The following TRPS1 variants were observed in gnomAD, a reference collection of about 807,000 sequenced individuals.
TRPS1 encodes transcriptional repressor GATA binding 1.
In TRPS1, 6 loss-of-function variants were observed where a neutral mutation model predicts 101.2. That is an observed-to-expected ratio of 0.06 (90% CI 0.03 to 0.12). The LOEUF (loss-of-function observed/expected upper bound fraction) is 0.12. Ranked by LOEUF, TRPS1 falls within the 10% of genes least tolerant of loss-of-function variation. The pLI, the probability that TRPS1 is intolerant of heterozygous loss-of-function variation, is 1.00. For synonymous variants in TRPS1, 578 were observed against 589.8 expected (o/e 0.98, Z 0.29); for missense variants, 1,363 against 1,567.0 (o/e 0.87, Z 2.20).
chr8:115,616,555 T>G (rs549481037), intron 3 of TRPS1, among the ~76,000 whole-genome samples: 11 of 151,794 alleles, frequency 7.2e-5, no homozygotes, highest in Admixed American at 1.3e-4. Flanking sequence ...TAAAATGTCA[T>G]AAATCTATCA....
At chr8:115,455,775 C>CTTTCTTTT (rs1554622479) in intron 5 of TRPS1, among the ~76,000 whole-genome samples, 349 of 119,916 alleles carry the variant, frequency 2.9e-3, no homozygotes, top group African/African-American at 9.2e-3. Flanking sequence ...TTCTTTCTTT[C>CTTTCTTTT]TTTTTTTTTT....
At chr8:115,503,020 T>C (rs1265030519) in intron 5 of TRPS1, among the ~76,000 whole-genome samples, 3 of 152,062 alleles carry the variant, frequency 2.0e-5, no homozygotes, top group South Asian at 2.1e-4. Flanking sequence ...TCCCAGCACT[T>C]TGGGAGGCTG....
intron 3 of TRPS1, among the ~76,000 whole-genome samples, chr8:115,610,618 A>G (rs1306904522): frequency 3.9e-5 from 6 of 152,210 alleles, no homozygotes; most frequent in Admixed American, 3.3e-4. Context: ...AGGGGAAACC[A>G]AAACTCAAAC....
chr8:115,515,896 A>C (rs1250399860), intron 5 of TRPS1, among the ~76,000 whole-genome samples: 3 of 151,436 alleles, frequency 2.0e-5, no homozygotes, highest in Non-Finnish European at 4.4e-5. Flanking sequence ...TTGGGTTCTG[A>C]GGCCATTATC....
intron 5 of TRPS1, among the ~76,000 whole-genome samples, chr8:115,532,244 A>ATT (rs35571991): frequency 9.4e-5 from 14 of 149,594 alleles, no homozygotes; most frequent in South Asian, 6.3e-4. Flanking sequence ...ATCAGAGCGC[A>ATT]TTTTTTTTTT....
At chr8:115,528,383 T>C (rs1816051941) in intron 5 of TRPS1, among the ~76,000 whole-genome samples, 1 of 152,044 alleles carries the variant, frequency 6.6e-6, no homozygotes, top group Non-Finnish European at 1.5e-5. Context: ...CTCTTAATCC[T>C]CACAGCAGCA....
intron 5 of TRPS1, among the ~76,000 whole-genome samples, chr8:115,560,238 G>C (rs1036998410): frequency 6.6e-6 from 1 of 152,018 alleles, no homozygotes; most frequent in Admixed American, 6.6e-5. Flanking sequence ...TATAAAACAG[G>C]TCAGGAAACT....
At chr8:115,629,132 C>T (rs1443611106) in intron 1 of TRPS1, among the ~76,000 whole-genome samples, 1 of 151,304 alleles carries the variant, frequency 6.6e-6, no homozygotes, top group Non-Finnish European at 1.5e-5. Flanking sequence ...TTTTAAAGCA[C>T]GCGTAGTTAA....
At chr8:115,510,167 A>G (rs562670854) in intron 5 of TRPS1, among the ~76,000 whole-genome samples, 4 of 152,056 alleles carry the variant, frequency 2.6e-5, no homozygotes, top group South Asian at 2.1e-4. Context: ...CATCCCACTT[A>G]TCTTAGGCTC....
At chr8:115,489,995 A>G (rs1337859236) in intron 5 of TRPS1, among the ~76,000 whole-genome samples, 10 of 152,178 alleles carry the variant, frequency 6.6e-5, no homozygotes, top group Non-Finnish European at 1.5e-4. Context: ...TTTTAGCTAA[A>G]TGTAAGAGTA....
rs1814603241 is a variant in TRPS1 at position 115,476,164 on chromosome 8, G to A, written c.2701-57712C>T. Among the ~76,000 whole-genome samples, 3 of 58,994 alleles carry A rather than the reference G, an allele frequency of 5.1e-5. 1 individual carries two copies. Among genetic ancestry groups the A allele is most frequent in the Non-Finnish European group, 7.7e-5 (3 of 38,792 alleles). 38.7% of individuals were successfully genotyped at this position (58,994 alleles called of 152,430 possible). A position where few individuals can be genotyped will look rare whatever the true frequency, so the allele number is the denominator to read the frequency against. ...CTCCCAAGTAGCTGGGACTACAGGCGCCCGCCACTACGCCCGGCTAATTTT... is the reference window on the plus strand; with the variant it reads ...CTCCCAAGTAGCTGGGACTACAGGCACCCGCCACTACGCCCGGCTAATTTT... On this transcript the variant is annotated intron_variant, in intron 5 of 6. Coordinates refer to ENST00000395715, the MANE Select transcript of TRPS1 (RefSeq NM_014112.5).
intron 5 of TRPS1, among the ~76,000 whole-genome samples, chr8:115,570,347 A>C (rs897888141): frequency 7.9e-5 from 12 of 152,074 alleles, no homozygotes; most frequent in African/African-American, 2.4e-4. Flanking sequence ...AATGGTAGAA[A>C]ATTTACACAG....
intron 1 of TRPS1, among the ~76,000 whole-genome samples, chr8:115,664,626 A>G (rs1028176065): frequency 6.6e-6 from 1 of 152,166 alleles, no homozygotes; most frequent in Non-Finnish European, 1.5e-5. Context: ...AGTTATCATC[A>G]GCAAAAGAGG....
intron 5 of TRPS1, among the ~76,000 whole-genome samples, chr8:115,491,161 G>T (rs559730586): frequency 6.6e-6 from 1 of 152,134 alleles, no homozygotes; most frequent in East Asian, 1.9e-4. Context: ...TGTTAAAGAC[G>T]ATTCCAATTT....
intron 5 of TRPS1, among the ~76,000 whole-genome samples, chr8:115,442,957 G>T (rs527272727): frequency 2.5e-4 from 38 of 152,230 alleles, no homozygotes; most frequent in African/African-American, 9.1e-4. Flanking sequence ...TTAGCCGGAC[G>T]TGGTGGCGGG....
chr8:115,481,406 C>G (rs73369746), intron 5 of TRPS1, among the ~76,000 whole-genome samples: 3,231 of 151,992 alleles, frequency 0.021, 118 homozygotes, highest in African/African-American at 0.069. Flanking sequence ...AACCCCCCCC[C>G]ACTCTTCTGC....
At chr8:115,640,245 C>T (rs572647454) in intron 1 of TRPS1, among the ~76,000 whole-genome samples, 3 of 152,184 alleles carry the variant, frequency 2.0e-5, no homozygotes, top group Non-Finnish European at 4.4e-5. Context: ...TCTACCTGAA[C>T]CTGGTTTCTC....
chr8:115,474,701 T>C (rs1043372284), intron 5 of TRPS1, among the ~76,000 whole-genome samples: 3 of 152,122 alleles, frequency 2.0e-5, no homozygotes, highest in Admixed American at 6.5e-5. Flanking sequence ...AAAAAAATTA[T>C]TTCTGTTATT....
At chr8:115,557,511 C>T (rs1275049678) in intron 5 of TRPS1, among the ~76,000 whole-genome samples, 1 of 152,090 alleles carries the variant, frequency 6.6e-6, no homozygotes, top group Non-Finnish European at 1.5e-5. Flanking sequence ...CCTTGTTGTC[C>T]TTGTGATAGT....
Sources: gnomAD v4.1 joint callset for allele counts (sites outside exome capture counted in the v4.1 genomes callset) on GRCh38, gnomAD v4.1.1 for gene constraint, MANE v1.5 for transcripts, NCBI Gene and HGNC (gene_info 2026-07-23, HGNC 2026-07-21) for gene names.